The following ZFHX3 variants were observed in gnomAD, a reference collection of about 807,000 sequenced individuals.
ZFHX3 encodes the protein zinc finger homeobox protein 3.
A neutral mutation model predicts 279.1 loss-of-function variants in ZFHX3; 42 were observed. That is an observed-to-expected ratio of 0.15 (90% CI 0.12 to 0.19). ZFHX3 has a LOEUF of 0.19. Among genes scored for constraint, ZFHX3 ranks in the 10% least tolerant of loss-of-function variants. ZFHX3 has a pLI of 1.00. For synonymous variants in ZFHX3, 2,293 were observed against 1,957.8 expected, an observed-to-expected ratio of 1.17 and a Z score of -4.52; for missense variants, 4,981 against 4,754.0, an observed-to-expected ratio of 1.05 and a Z score of -1.40.
rs2144443855 is a variant in ZFHX3, at chr16:72,958,554, G to A, written c.1592C>T (p.Ser531Phe). ...KDLALSNQSI[S>F]NSPLMPNVLQ... ...CACGTTAGGCATTAAGGGGGAGTTAGAAATGCTTTGGTTTGAGAGAGCAAG... is the reference window on the plus strand; with the variant it reads ...CACGTTAGGCATTAAGGGGGAGTTAAAAATGCTTTGGTTTGAGAGAGCAAG... Residue 531 changes from serine to phenylalanine, a missense_variant, in exon 2 of 10, where the codon TCT becomes TTT. Coordinates refer to ENST00000268489, the MANE Select transcript of ZFHX3 (RefSeq NM_006885.4). 6.2e-7 allele frequency: 1 copy of A among 1,614,136 alleles called. No homozygotes were observed.
intron 3 of ZFHX3, among the ~76,000 whole-genome samples, chr16:73,378,741 T>C (rs1032708442): frequency 1.3e-5 from 2 of 152,200 alleles, no homozygotes; most frequent in South Asian, 2.1e-4. Flanking sequence ...CCTCCCCCCA[T>C]GCTTTGGCTC....
At chr16:73,197,368 G>A (rs1968173671) in intron 5 of ZFHX3, among the ~76,000 whole-genome samples, 1 of 152,224 alleles carries the variant, frequency 6.6e-6, no homozygotes, top group Non-Finnish European at 1.5e-5. Flanking sequence ...AGCACATGAA[G>A]TAGAGGACAA....
chr16:73,103,549 C>T (rs1966257517), intron 7 of ZFHX3, among the ~76,000 whole-genome samples: 1 of 152,230 alleles, frequency 6.6e-6, no homozygotes, highest in African/African-American at 2.4e-5. Flanking sequence ...AGCACTTTCA[C>T]ATTGCAGTAC....
chr16:73,808,335 G>T (rs1005548538), intron 1 of ZFHX3: 1 of 152,210 alleles, frequency 6.6e-6, no homozygotes, highest in Non-Finnish European at 1.5e-5. Flanking sequence ...TGAAATTCTT[G>T]TTTTCTTGCT....
intron 7 of ZFHX3, among the ~76,000 whole-genome samples, chr16:72,810,074 C>T (rs2036395935): frequency 6.6e-6 from 1 of 151,928 alleles, no homozygotes; most frequent in Admixed American, 6.6e-5. Flanking sequence ...TCAGTAGAGA[C>T]AGGGTTTCAC....
chr16:73,804,129 C>T (rs891038900), intron 1 of ZFHX3, among the ~76,000 whole-genome samples: 19 of 152,300 alleles, frequency 1.2e-4, no homozygotes, highest in African/African-American at 4.6e-4. Context: ...TGCACTCCAG[C>T]TTGGATGCCA....
At chr16:72,915,761 A>G (rs895272510) in intron 3 of ZFHX3, among the ~76,000 whole-genome samples, 5 of 149,356 alleles carry the variant, frequency 3.3e-5, no homozygotes, top group East Asian at 1.9e-4. Flanking sequence ...AGACTCTGTC[A>G]TAAAAAAAAA....
Position 73,631,693 on chromosome 16 carries a change from C to G in ZFHX3, c.-1547+48487G>C, listed in dbSNP as rs371107819. 1.9e-4 allele frequency among the ~76,000 whole-genome samples: 29 copies of G among 152,112 alleles called. No individual in the cohort carries two copies. The East Asian group carries it at 2.7e-3, about 14-fold the overall frequency. Reference sequence around the variant, plus strand: ...GCCGAGGCAGGTGGATCACTTGAGGCCAGGAGTTTGAGACCAGCCTGGGCA... The same window carrying G: ...GCCGAGGCAGGTGGATCACTTGAGGGCAGGAGTTTGAGACCAGCCTGGGCA... On this transcript the variant is annotated intron_variant, in intron 2 of 17. Coordinates refer to the ZFHX3 transcript ENST00000641206.
chr16:73,583,222 T>C (rs2051880042), intron 2 of ZFHX3, among the ~76,000 whole-genome samples: 1 of 152,158 alleles, frequency 6.6e-6, no homozygotes, highest in Non-Finnish European at 1.5e-5. Context: ...CCCCAAGAAA[T>C]GAGCCTATAA....
At chr16:73,416,765 C>T (rs76220381) in intron 3 of ZFHX3, among the ~76,000 whole-genome samples, 48,859 of 131,544 alleles carry the variant, frequency 0.37, 12,915 homozygotes, top group Non-Finnish European at 0.56. Flanking sequence ...TCCCAGCTAC[C>T]AGGGAGGCTG....
At chr16:73,326,907 G>T (rs1230746059) in intron 3 of ZFHX3, among the ~76,000 whole-genome samples, 1 of 152,076 alleles carries the variant, frequency 6.6e-6, no homozygotes, top group Non-Finnish European at 1.5e-5. Context: ...TTTGCCAAAC[G>T]CATCAAAGTC....
At chr16:73,791,490 T>C (rs1475584080) in intron 1 of ZFHX3, among the ~76,000 whole-genome samples, 2 of 152,180 alleles carry the variant, frequency 1.3e-5, no homozygotes, top group African/African-American at 4.8e-5. Flanking sequence ...AGCGGCGCCA[T>C]CTTGGCTCAC....
intron 3 of ZFHX3, among the ~76,000 whole-genome samples, chr16:72,918,827 C>T (rs935766819): frequency 6.6e-6 from 1 of 151,780 alleles, no homozygotes; most frequent in African/African-American, 2.4e-5. Flanking sequence ...TCCTGAGTAG[C>T]TGGGATTACA....
At chr16:73,730,352 C>CAA (rs66477968) in intron 1 of ZFHX3, among the ~76,000 whole-genome samples, 73 of 81,132 alleles carry the variant, frequency 9.0e-4, no homozygotes, top group African/African-American at 2.2e-3. Context: ...CCTCCCCTCG[C>CAA]AAAAAAAAAA....
chr16:73,589,857 T>C (rs566610364), intron 2 of ZFHX3, among the ~76,000 whole-genome samples: 3 of 145,986 alleles, frequency 2.1e-5, no homozygotes, highest in East Asian at 4.2e-4. Context: ...GCCTGAACAC[T>C]GAAAGTAAAA....
intron 4 of ZFHX3, among the ~76,000 whole-genome samples, chr16:72,836,725 G>A (rs1467866032): frequency 6.6e-6 from 1 of 152,062 alleles, no homozygotes; most frequent in Non-Finnish European, 1.5e-5. Context: ...CATTTACTGA[G>A]GAAAACGCCA....
intron 1 of ZFHX3, among the ~76,000 whole-genome samples, chr16:73,715,562 C>CTTTT (rs949665075): frequency 2.1e-4 from 13 of 63,026 alleles, no homozygotes; most frequent in African/African-American, 5.2e-4. Context: ...CACAGCTGGT[C>CTTTT]TTTTTTTTTT....
chr16:73,816,402 C>A (rs1960572529), intron 1 of ZFHX3, among the ~76,000 whole-genome samples: 1 of 152,138 alleles, frequency 6.6e-6, no homozygotes, highest in African/African-American at 2.4e-5. Context: ...CTAGACCCCC[C>A]AGCCAAGTCC....
intron 1 of ZFHX3, among the ~76,000 whole-genome samples, chr16:73,767,093 G>A (rs1181259349): frequency 6.6e-6 from 1 of 151,868 alleles, no homozygotes. Flanking sequence ...CCATCACCAC[G>A]CCTGGCTCAT....
Sources: allele counts gnomAD v4.1 joint callset (sites outside exome capture counted in the v4.1 genomes callset), GRCh38; gene constraint gnomAD v4.1.1; transcripts MANE v1.5; gene names NCBI Gene and HGNC (gene_info 2026-07-23, HGNC 2026-07-21).